OR52L1: variants seen among roughly 807,000 people sequenced by gnomAD.
The protein encoded by OR52L1 is olfactory receptor 52L1.
In OR52L1, 15 loss-of-function variants were observed where a neutral mutation model predicts 16.1. That is an observed-to-expected ratio of 0.93 (90% CI 0.62 to 1.44). The LOEUF is 1.44. OR52L1 is among the 40% of genes most tolerant of loss of function. The pLI, the probability that OR52L1 is intolerant of heterozygous loss-of-function variation, is 0.00. For synonymous variants in OR52L1, 166 were observed against 159.2 expected, an observed-to-expected ratio of 1.04 and a Z score of -0.32; for missense variants, 406 against 402.3, an observed-to-expected ratio of 1.01 and a Z score of -0.08.
chr11:5,985,978 C>CG lies in OR52L1; in HGVS notation c.952dup (p.Arg318ProfsTer15). 1.9e-6 allele frequency: 3 copies of CG among 1,611,300 alleles called. No individual in the cohort carries two copies. Among genetic ancestry groups the CG allele is most frequent in the Non-Finnish European group, 2.5e-6 (3 of 1,178,630 alleles). On this transcript the variant is annotated frameshift_variant, in exon 1 of 1. Coordinates refer to ENST00000332249, the MANE Select transcript of OR52L1 (RefSeq NM_001005173.3). LOFTEE classifies it high-confidence loss of function. Reference sequence around the variant, plus strand: ...TGTAAACACTCTGAGCACTCGCTGGCGGATCTGCTGAGTCTTCACTCCATA... The same window carrying CG: ...TGTAAACACTCTGAGCACTCGCTGGCGGGATCTGCTGAGTCTTCACTCCATA...
In OR52L1 at chr11:5,986,389, A is replaced by T; in HGVS notation, c.542T>A (p.Leu181Ter). ...LLLLIPFPIL[L>*]GTLIFCQATI... ...GGCTTGGCAGAAGATAAGTGTTCCC[A>T]ACAAAATGGGGAAGGGGATAAGGAG... is the stretch of plus-strand genomic sequence containing the variant. The change falls in exon 1 of 1, where the codon TTG becomes TAG. Residue 181 changes from leucine to a stop codon, truncating the protein, a stop_gained. Transcript: ENST00000332249. LOFTEE classifies it high-confidence loss of function. 1 of 1,613,970 alleles carries T rather than the reference A, an allele frequency of 6.2e-7. No homozygotes were observed.
At position 5,986,487 on chromosome 11, in the gene OR52L1, C is replaced by G; in HGVS notation, c.444G>C (p.Leu148Phe). Reference sequence around the variant, plus strand: ...CTGGATGCAGGATTGTGGAATGGTGCAAGGGGTGACAAATGGCTACATAGC... The same window carrying G: ...CTGGATGCAGGATTGTGGAATGGTGGAAGGGGTGACAAATGGCTACATAGC... ...LDRYVAICHP[L>F]HHSTILHPGV... Residue 148 changes from leucine (L) to phenylalanine (F), a missense_variant, in exon 1 of 1, where the codon TTG becomes TTC. Physicochemically the swap from Leu to Phe is conservative, Grantham distance 22 (BLOSUM62 0). Coordinates refer to ENST00000332249, the MANE Select transcript of OR52L1 (RefSeq NM_001005173.3). 6.2e-7 allele frequency: 1 copy of G among 1,613,900 alleles called. No homozygotes were observed.
In OR52L1 at chr11:5,986,908, G is replaced by T. The variant is rs1357662023; in HGVS notation, c.23C>A (p.Ser8Tyr). The change falls in exon 1 of 1, where the codon TCT (serine) becomes TAT (tyrosine). Residue 8 changes from serine to tyrosine, a missense_variant. Transcript: ENST00000332249. MTLVSFF[S>Y]FLSKPLIMLL... ...CATTATCAATGGCTTGGAGAGGAAA[G>T]AGAAAAAAGAAACCAAAGTCATGAT... is the stretch of plus-strand genomic sequence containing the variant. 6.2e-7 allele frequency: 1 copy of T among 1,610,788 alleles called. No homozygotes were observed. Among genetic ancestry groups the T allele is most frequent in the East Asian group, 2.2e-5 (1 of 44,860 alleles).
chr11:5,986,113 C>T lies in OR52L1; in HGVS notation c.818G>A (p.Gly273Glu), dbSNP rs762784705. The T allele has an allele frequency of 1.2e-6, 2 of 1,613,894 alleles. No individual in the cohort carries two copies. The highest frequency in any genetic ancestry group is 2.2e-5 in the East Asian group (1 of 44,882). The change falls in exon 1 of 1, where the codon GGA becomes GAA. Residue 273 changes from glycine (G) to glutamate (E), a missense_variant. By Grantham distance (98) the Gly-to-Glu change is moderately conservative (BLOSUM62 -2). Coordinates refer to ENST00000332249, the MANE Select transcript of OR52L1 (RefSeq NM_001005173.3). ...ICVILVFYVPGIFSFLTHRFG... is the reference protein window; with the variant it reads ...ICVILVFYVPEIFSFLTHRFG... ...GCGGTGAGTGAGGAAGGAGAAAATT[C>T]CAGGGACATAGAAGACCAGGATGAC... is the stretch of plus-strand genomic sequence containing the variant.
In OR52L1 at chr11:5,986,445, G is replaced by A. The variant is rs776523694; in HGVS notation, c.486C>T (p.Ile162=). The A allele has an allele frequency of 2.6e-5, 42 of 1,613,814 alleles. No homozygotes were observed. The highest frequency in any genetic ancestry group is 3.3e-5 in the South Asian group (3 of 91,076). ...TILHPGVIGR[I]GMVVLVRGLL... is the part of the protein sequence containing the mutation. ...ATCCCCTCACCAGCACCACCATTCC[G>A]ATGCGCCCTATGACCCCTGGATGCA... The change falls in exon 1 of 1, where the codon ATC becomes ATT. Residue 162 remains isoleucine (I), a synonymous_variant. Coordinates refer to ENST00000332249, the MANE Select transcript of OR52L1 (RefSeq NM_001005173.3).
At position 5,986,583 on chromosome 11, in the gene OR52L1, C is replaced by G; in HGVS notation, c.348G>C (p.Leu116=). 1 of 1,613,974 alleles carries G rather than the reference C, an allele frequency of 6.2e-7. No individual in the cohort carries two copies. The highest frequency in any genetic ancestry group is 1.6e-4 in the Middle Eastern group (1 of 6,062). ...ATGCATGGATGAAGAACATCTGGAT[C>G]AGGCAGACGATGTACCCAATCTCGT... is the stretch of plus-strand genomic sequence containing the variant. The part of the protein sequence containing the change: ...HAHEIGYIVC[L]IQMFFIHAFS... The change falls in exon 1 of 1, where the codon CTG becomes CTC. Residue 116 remains leucine, a synonymous_variant. Transcript: ENST00000332249.
rs1848111646 is a variant in OR52L1 at position 5,985,988 on chromosome 11, G to A, written c.943C>T (p.Gln315Ter). 6.2e-7 allele frequency: 1 copy of A among 1,612,268 alleles called. No homozygotes were observed. The highest frequency in any genetic ancestry group is 8.5e-7 in the Non-Finnish European group (1 of 1,179,108). ...CTGAGCACTCGCTGGCGGATCTGCT[G>A]AGTCTTCACTCCATAGACAAGAGGA... ...LNPLVYGVKT[Q>*]QIRQRVLRVF... The change falls in exon 1 of 1, where the codon CAG (glutamine) becomes TAG (stop). Residue 315 changes from glutamine to a stop codon, truncating the protein, a stop_gained. Transcript: ENST00000332249. LOFTEE classifies it high-confidence loss of function.
Position 5,986,381 on chromosome 11 carries a change from G to A in OR52L1, c.550C>T (p.Leu184Phe), listed in dbSNP as rs1242840310. ...LIPFPILLGT[L>F]IFCQATIIGH... ...ATGATGGTGGCTTGGCAGAAGATAAGTGTTCCCAACAAAATGGGGAAGGGG... is the reference window on the plus strand; with the variant it reads ...ATGATGGTGGCTTGGCAGAAGATAAATGTTCCCAACAAAATGGGGAAGGGG... The change falls in exon 1 of 1, where the codon CTT (leucine) becomes TTT (phenylalanine). Residue 184 changes from leucine (L) to phenylalanine (F), a missense_variant. By Grantham distance (22) the Leu-to-Phe change is conservative. Transcript: ENST00000332249. 1.2e-5 allele frequency: 19 copies of A among 1,613,798 alleles called. No individual in the cohort carries two copies. Among genetic ancestry groups the A allele is most frequent in the Non-Finnish European group, 1.5e-5 (18 of 1,179,832 alleles).
In OR52L1 at chr11:5,986,951, A is replaced by G; in HGVS notation, c.-21T>C. 3 of 1,605,540 alleles carry G rather than the reference A, an allele frequency of 1.9e-6. No individual in the cohort carries two copies. Among genetic ancestry groups the G allele is most frequent in the Non-Finnish European group, 2.6e-6 (3 of 1,176,318 alleles). Reference sequence around the variant, plus strand: ...GTCATGATTTCTGCATTCCTGCTACATTATCACATTGTCCAAATGGGGCAA... The same window carrying G: ...GTCATGATTTCTGCATTCCTGCTACGTTATCACATTGTCCAAATGGGGCAA... On this transcript the variant is annotated 5_prime_UTR_variant, in exon 1 of 1. An upstream start codon of the reference 5' UTR is lost. Transcript: ENST00000332249.
Position 5,985,952 on chromosome 11 carries a change from G to C in OR52L1, c.979C>G (p.Gln327Glu). 1 of 1,606,210 alleles carries C rather than the reference G, an allele frequency of 6.2e-7. No homozygotes were observed. Among genetic ancestry groups the C allele is most frequent in the South Asian group, 1.1e-5 (1 of 89,702 alleles). The stretch of plus-strand genomic sequence containing the variant: ...AGAATATGTTCAGATCAATCCTTTT[G>C]TGTAAACACTCTGAGCACTCGCTGG... ...IRQRVLRVFT[Q>E]KD The change falls in exon 1 of 1, where the codon CAA (glutamine) becomes GAA (glutamate). Residue 327 changes from glutamine to glutamate, a missense_variant. Physicochemically the swap from Gln to Glu is conservative, Grantham distance 29. Transcript: ENST00000332249.
In OR52L1 at chr11:5,986,059, T is replaced by C; in HGVS notation, c.872A>G (p.His291Arg). The C allele has an allele frequency of 6.2e-7, 1 of 1,613,936 alleles. No homozygotes were observed. Among genetic ancestry groups the C allele is most frequent in the Non-Finnish European group, 8.5e-7 (1 of 1,179,866 alleles). Residue 291 changes from histidine to arginine, a missense_variant, in exon 1 of 1, where the codon CAT becomes CGT. By Grantham distance (29) the His-to-Arg change is conservative. Transcript: ENST00000332249. ...GAGATACCGTGTGGCCAGAAGAACA[T>C]GGACATGATGGGGTACATGATGACC... The part of the protein sequence containing the change: ...RFGHHVPHHV[H>R]VLLATRYLLM...
Position 5,986,915 on chromosome 11 carries a change from A to C in OR52L1, c.16T>G (p.Phe6Val). 1 of 1,612,604 alleles carries C rather than the reference A, an allele frequency of 6.2e-7. No homozygotes were observed. The highest frequency in any genetic ancestry group is 8.5e-7 in the Non-Finnish European group (1 of 1,179,388). MTLVSFFSFLSKPLIM... is the reference protein window; with the variant it reads MTLVSVFSFLSKPLIM... ...AATGGCTTGGAGAGGAAAGAGAAAAAAGAAACCAAAGTCATGATTTCTGCA... is the reference window on the plus strand; with the variant it reads ...AATGGCTTGGAGAGGAAAGAGAAAACAGAAACCAAAGTCATGATTTCTGCA... Residue 6 changes from phenylalanine to valine, a missense_variant, in exon 1 of 1, where the codon TTT (phenylalanine) becomes GTT (valine). Transcript: ENST00000332249.
At position 5,986,018 on chromosome 11, in the gene OR52L1, G is replaced by A; in HGVS notation, c.913C>T (p.Leu305Phe). The change falls in exon 1 of 1, where the codon CTC becomes TTC. Residue 305 changes from leucine to phenylalanine, a missense_variant. Leu to Phe is a conservative substitution (Grantham distance 22, BLOSUM62 0). Coordinates refer to ENST00000332249, the MANE Select transcript of OR52L1 (RefSeq NM_001005173.3). ...TTCACTCCATAGACAAGAGGATTGA[G>A]CGCAGGTGGCATGAGGAGATACCGT... The part of the protein sequence containing the change: ...ATRYLLMPPA[L>F]NPLVYGVKTQ... 1 of 1,613,336 alleles carries A rather than the reference G, an allele frequency of 6.2e-7. No individual in the cohort carries two copies. The highest frequency in any genetic ancestry group is 1.7e-5 in the Admixed American group (1 of 59,894).
Position 5,986,734 on chromosome 11 carries a change from A to T in OR52L1, c.197T>A (p.Ile66Asn), listed in dbSNP as rs1848122149. 1 of 1,613,834 alleles carries T rather than the reference A, an allele frequency of 6.2e-7. No homozygotes were observed. Among genetic ancestry groups the T allele is most frequent in the African/African-American group, 1.3e-5 (1 of 74,926 alleles). ...GTGCAAGGATGGGTCCATCCAGATGATGAAGAGAATGGTAACATTGCCCAC... is the reference window on the plus strand; with the variant it reads ...GTGCAAGGATGGGTCCATCCAGATGTTGAAGAGAATGGTAACATTGCCCAC... ...ALVGNVTILF[I>N]IWMDPSLHQS... is the part of the protein sequence containing the mutation. The change falls in exon 1 of 1, where the codon ATC becomes AAC. Residue 66 changes from isoleucine (I) to asparagine (N), a missense_variant. Physicochemically the swap from Ile to Asn is moderately radical, Grantham distance 149. Transcript: ENST00000332249.
Position 5,986,522 on chromosome 11 carries a change from C to A in OR52L1, c.409G>T (p.Ala137Ser). The A allele has an allele frequency of 6.2e-7, 1 of 1,613,856 alleles. No homozygotes were observed. The highest frequency in any genetic ancestry group is 8.5e-7 in the Non-Finnish European group (1 of 1,179,832). ...SMESGVLVAM[A>S]LDRYVAICHP... ...CAAATGGCTACATAGCGATCCAGAG[C>A]CATGGCCACAAGTACCCCTGACTCC... is the stretch of plus-strand genomic sequence containing the variant. Residue 137 changes from alanine to serine, a missense_variant, in exon 1 of 1, where the codon GCT becomes TCT. Ala to Ser is a moderately conservative substitution (Grantham distance 99). Transcript: ENST00000332249.
Position 5,986,405 on chromosome 11 carries a change from G to A in OR52L1, c.526C>T (p.Pro176Ser), listed in dbSNP as rs755398418. Residue 176 changes from proline to serine, a missense_variant, in exon 1 of 1, where the codon CCC (proline) becomes TCC (serine). Coordinates refer to ENST00000332249, the MANE Select transcript of OR52L1 (RefSeq NM_001005173.3). ...AGTGTTCCCAACAAAATGGGGAAGG[G>A]GATAAGGAGTAGTAATCCCCTCACC... ...VLVRGLLLLIPFPILLGTLIF... is the reference protein window; with the variant it reads ...VLVRGLLLLISFPILLGTLIF... The A allele has an allele frequency of 3.1e-6, 5 of 1,613,948 alleles. No homozygotes were observed. Among genetic ancestry groups the A allele is most frequent in the Non-Finnish European group, 4.2e-6 (5 of 1,179,838 alleles).
Position 5,986,983 on chromosome 11 carries a change from T to C in OR52L1, c.-53A>G. ...CATTGTCCAAATGGGGCAACCATCATCCTGAGAAGAATAAAGTGACTTCAA... is the reference window on the plus strand; with the variant it reads ...CATTGTCCAAATGGGGCAACCATCACCCTGAGAAGAATAAAGTGACTTCAA... On this transcript the variant is annotated 5_prime_UTR_variant, in exon 1 of 1. The change abolishes an upstream ATG in the 5' untranslated region. Coordinates refer to ENST00000332249, the MANE Select transcript of OR52L1 (RefSeq NM_001005173.3). The C allele has an allele frequency of 6.5e-7, 1 of 1,545,780 alleles. No homozygotes were observed. Among genetic ancestry groups the C allele is most frequent in the Non-Finnish European group, 8.8e-7 (1 of 1,141,578 alleles).
At position 5,985,930 on chromosome 11, in the gene OR52L1, A is replaced by G. The variant is rs377564685; in HGVS notation, c.*11T>C. The G allele has an allele frequency of 2.1e-4, 329 of 1,591,810 alleles. No individual in the cohort carries two copies. The African/African-American group carries it at 3.9e-3, about 19-fold the overall frequency. ...GAAGCCTCCGAAGGAAACAATGAGA[A>G]TATGTTCAGATCAATCCTTTTGTGT... On this transcript the variant is annotated 3_prime_UTR_variant, in exon 1 of 1. Transcript: ENST00000332249.
In OR52L1 at chr11:5,986,264, G is replaced by A. The variant is rs1848114913; in HGVS notation, c.667C>T (p.Leu223Phe). 1 of 1,613,914 alleles carries A rather than the reference G, an allele frequency of 6.2e-7. No homozygotes were observed. Among genetic ancestry groups the A allele is most frequent in the Non-Finnish European group, 8.5e-7 (1 of 1,179,882 alleles). The change falls in exon 1 of 1, where the codon CTT (leucine) becomes TTT (phenylalanine). Residue 223 changes from leucine (L) to phenylalanine (F), a missense_variant. Coordinates refer to ENST00000332249, the MANE Select transcript of OR52L1 (RefSeq NM_001005173.3). ...GCCAGAACATCCAGCCCAATCACAAGCAAGGCCATAGTCAGCCCATAAGCT... is the reference window on the plus strand; with the variant it reads ...GCCAGAACATCCAGCCCAATCACAAACAAGGCCATAGTCAGCCCATAAGCT... ...NRAYGLTMAL[L>F]VIGLDVLAIG...
Sources: gnomAD v4.1 joint callset for allele counts on GRCh38, gnomAD v4.1.1 for gene constraint, MANE v1.5 for transcripts, NCBI Gene and HGNC (gene_info 2026-07-23, HGNC 2026-07-21) for gene names.